ARHGAP10: variants seen among roughly 807,000 people sequenced by gnomAD.
ARHGAP10 encodes rho GTPase-activating protein 10.
ARHGAP10 carries 87 observed loss-of-function variants against 108.6 expected under a neutral mutation model. The ratio of observed to expected loss-of-function variants is 0.80; its 90% confidence interval spans 0.67 to 0.96. The LOEUF (loss-of-function observed/expected upper bound fraction) is 0.96, where lower values mean the gene tolerates loss of function less well. ARHGAP10 is among the 40% of genes least tolerant of loss of function. The pLI is 0.00. For synonymous variants in ARHGAP10, 347 were observed against 341.1 expected, an observed-to-expected ratio of 1.02 and a Z score of -0.19; for missense variants, 939 against 954.5, an observed-to-expected ratio of 0.98 and a Z score of 0.21.
intron 19 of ARHGAP10, among the ~76,000 whole-genome samples, chr4:148,033,933 A>C (rs1485277369): frequency 6.6e-6 from 1 of 152,176 alleles, no homozygotes; most frequent in Non-Finnish European, 1.5e-5. Context: ...ATTACTGGAA[A>C]TACTTAGGCA....
At chr4:147,964,509 A>G (rs1373412135) in intron 16 of ARHGAP10, among the ~76,000 whole-genome samples, 1 of 152,108 alleles carries the variant, frequency 6.6e-6, no homozygotes, top group African/African-American at 2.4e-5. Flanking sequence ...TGCATGCCTT[A>G]GCATACCTGA....
intron 18 of ARHGAP10, among the ~76,000 whole-genome samples, chr4:147,982,521 C>T (rs1739853271): frequency 7.0e-6 from 1 of 143,184 alleles, no homozygotes; most frequent in Admixed American, 6.9e-5. Flanking sequence ...GGACTACAGG[C>T]ATGTGCCATC....
chr4:147,857,630 AAAG>A lies in ARHGAP10; in HGVS notation c.465_467del (p.Lys156del). ...ATAAACATTTGAATTTATCAGCAAAAAAGAAAGACTCACATTTACAAGAGGTAT... is the reference window on the plus strand; with the variant it reads ...ATAAACATTTGAATTTATCAGCAAAAAAAGACTCACATTTACAAGAGGTAT... On this transcript the variant is annotated inframe_deletion, in exon 5 of 23. Transcript: ENST00000336498. The A allele has an allele frequency of 6.7e-7, 1 of 1,496,364 alleles. No individual in the cohort carries two copies. The highest frequency in any genetic ancestry group is 8.9e-7 in the Non-Finnish European group (1 of 1,125,038). 92.7% of individuals were successfully genotyped at this position (1,496,364 alleles called of 1,614,324 possible).
intron 22 of ARHGAP10, among the ~76,000 whole-genome samples, chr4:148,069,373 G>A (rs901923515): frequency 6.6e-6 from 1 of 152,144 alleles, no homozygotes; most frequent in Non-Finnish European, 1.5e-5. Flanking sequence ...TCTCCCTACT[G>A]GCTTCTGCCT....
chr4:147,925,506 C>A (rs1368393579), intron 13 of ARHGAP10, among the ~76,000 whole-genome samples: 1 of 152,184 alleles, frequency 6.6e-6, no homozygotes, highest in Non-Finnish European at 1.5e-5. Context: ...ATTTATTTAG[C>A]TGTCCCATCC....
At chr4:147,878,440 G>A (rs113092859) in intron 8 of ARHGAP10, among the ~76,000 whole-genome samples, 2,813 of 152,236 alleles carry the variant, frequency 0.018, 87 homozygotes, top group African/African-American at 0.064. Context: ...AGTAAGAGCA[G>A]CTGCTTACTA....
chr4:148,061,666 T>C (rs750047448), intron 20 of ARHGAP10, among the ~76,000 whole-genome samples: 5 of 152,122 alleles, frequency 3.3e-5, no homozygotes, highest in Non-Finnish European at 7.4e-5. Flanking sequence ...ATAGGAAAGC[T>C]TCTGTGTATT....
In ARHGAP10 at chr4:148,064,500, T is replaced by G; in HGVS notation, c.2265T>G (p.Phe755Leu). The G allele has an allele frequency of 6.2e-7, 1 of 1,614,038 alleles. No homozygotes were observed. Among genetic ancestry groups the G allele is most frequent in the Non-Finnish European group, 8.5e-7 (1 of 1,179,908 alleles). The change falls in exon 22 of 23, where the codon TTT becomes TTG. Residue 755 changes from phenylalanine (F) to leucine (L), a missense_variant. By Grantham distance (22) the Phe-to-Leu change is conservative. Coordinates refer to ENST00000336498, the MANE Select transcript of ARHGAP10 (RefSeq NM_024605.4). Reference protein sequence around the residue: ...SELSFEIGAIFEDVQTSREPG... With the variant: ...SELSFEIGAILEDVQTSREPG... ...TATCTTTTGAAATAGGAGCAATTTT[T>G]GAGGATGGTAAGTGTTAGTGGGAGC...
intron 3 of ARHGAP10, among the ~76,000 whole-genome samples, chr4:147,825,276 C>T (rs914018443): frequency 6.6e-6 from 1 of 151,968 alleles, no homozygotes; most frequent in Non-Finnish European, 1.5e-5. Context: ...CTGGTGAAAC[C>T]CCGTCTCTAC....
chr4:148,023,193 G>A (rs1186833278), intron 18 of ARHGAP10, 70 bp from the exon 19 acceptor site: 1 of 1,552,522 alleles, frequency 6.4e-7, no homozygotes, highest in African/African-American at 1.4e-5. Flanking sequence ...TTGTGGTGCT[G>A]GTTTACTGGA....
Position 148,070,615 on chromosome 4 carries a change from A to G in ARHGAP10, c.2273-1378A>G, listed in dbSNP as rs546884405. 3.9e-5 allele frequency among the ~76,000 whole-genome samples: 6 copies of G among 152,334 alleles called. No homozygotes were observed. The South Asian group carries it at 1.2e-3, about 32-fold the overall frequency. The stretch of plus-strand genomic sequence containing the variant: ...TTCTACACAAATCTATGGGGAAAAA[A>G]AGAGTAGAATACAGAAAGGAAGGCA... On this transcript the variant is annotated intron_variant, in intron 22 of 22. Coordinates refer to ENST00000336498, the MANE Select transcript of ARHGAP10 (RefSeq NM_024605.4).
At chr4:147,888,124 G>A (rs1263409181) in intron 10 of ARHGAP10, among the ~76,000 whole-genome samples, 1 of 152,102 alleles carries the variant, frequency 6.6e-6, no homozygotes, top group Non-Finnish European at 1.5e-5. Context: ...TTCACTTTTT[G>A]TACTTCTTTG....
intron 3 of ARHGAP10, 85 bp downstream of exon 3, chr4:147,823,042 GT>G (rs1234621724): frequency 2.6e-5 from 35 of 1,360,816 alleles, no homozygotes; most frequent in Non-Finnish European, 3.4e-5. Flanking sequence ...GGTAGAAGTT[GT>G]GAAGCATTTA....
At position 148,047,068 on chromosome 4, in the gene ARHGAP10, C is replaced by G; in HGVS notation, c.2027+17C>G. On this transcript the variant is annotated intron_variant, in intron 20 of 22. Coordinates refer to ENST00000336498, the MANE Select transcript of ARHGAP10 (RefSeq NM_024605.4). ...ATCCACTATGTAAGTAACCGTGCTT[C>G]TGTTGGGTGCTGAAGGGTGGAAGCC... 13 of 1,613,496 alleles carry G rather than the reference C, an allele frequency of 8.1e-6. No homozygotes were observed. The highest frequency in any genetic ancestry group is 1.1e-5 in the Non-Finnish European group (13 of 1,179,674).
intron 13 of ARHGAP10, among the ~76,000 whole-genome samples, chr4:147,923,216 C>T (rs752577906): frequency 2.6e-5 from 4 of 152,042 alleles, no homozygotes; most frequent in East Asian, 3.9e-4. Context: ...ATATATTAGA[C>T]GTAGAAAAGT....
chr4:148,065,430 T>G (rs980383909), intron 22 of ARHGAP10: 2 of 152,198 alleles, frequency 1.3e-5, no homozygotes, highest in Admixed American at 6.5e-5. Context: ...ATATGTACTC[T>G]TCAGAGACAG....
At chr4:147,785,623 A>G (rs1345967034) in intron 1 of ARHGAP10, among the ~76,000 whole-genome samples, 2 of 152,076 alleles carry the variant, frequency 1.3e-5, no homozygotes, top group Non-Finnish European at 2.9e-5. Flanking sequence ...CCCCTACAAC[A>G]TTATCATGTC....
intron 10 of ARHGAP10, among the ~76,000 whole-genome samples, chr4:147,902,322 C>T (rs973868326): frequency 6.6e-6 from 1 of 152,178 alleles, no homozygotes. Flanking sequence ...CTGGCTGTTC[C>T]CCTACTAAAA....
intron 4 of ARHGAP10, among the ~76,000 whole-genome samples, chr4:147,851,032 G>T (rs552101997): frequency 2.0e-5 from 3 of 152,222 alleles, no homozygotes; most frequent in Non-Finnish European, 4.4e-5. Flanking sequence ...TATGGGTTTG[G>T]GCAAGCAGCA....
Sources: allele counts gnomAD v4.1 joint callset (sites outside exome capture counted in the v4.1 genomes callset), GRCh38; gene constraint gnomAD v4.1.1; transcripts MANE v1.5; gene names NCBI Gene and HGNC (gene_info 2026-07-23, HGNC 2026-07-21).